Variants in C6orf89 observed in about 807,000 individuals in gnomAD.
C6orf89 encodes chromosome 6 open reading frame 89, also known as bombesin receptor-activated protein C6orf89.
Under a neutral mutation model 40.7 loss-of-function variants are expected in C6orf89, and 29 were observed. The observed-to-expected ratio is 0.71, with a 90% CI of 0.53 to 0.97. C6orf89 has a LOEUF of 0.97. Ranked by LOEUF, C6orf89 falls within the 50% of genes least tolerant of loss-of-function variation. C6orf89 has a pLI of 0.00. For missense variants in C6orf89, 392 were observed against 429.1 expected, an observed-to-expected ratio of 0.91 and a Z score of 0.76; for synonymous variants, 165 against 152.2, an observed-to-expected ratio of 1.08 and a Z score of -0.62.
rs144844111 is a variant in C6orf89, at chr6:36,899,597, C to G, written c.153C>G (p.Pro51=). The G allele has an allele frequency of 3.7e-5, 59 of 1,614,072 alleles. No individual in the cohort carries two copies. The highest frequency in any genetic ancestry group is 3.5e-4 in the African/African-American group (26 of 75,008). ...TGGAAAAGAATGAACCTCAGAGACC[C>G]CCCCCGCAGTATCCTCTCCTTATAG... The part of the protein sequence containing the change: ...QLLEKNEPQR[P]PPQYPLLIVV... Residue 51 remains proline (P), a synonymous_variant, in exon 3 of 9, where the codon CCC becomes CCG. Coordinates refer to ENST00000480824, the MANE Select transcript of C6orf89 (RefSeq NM_001286635.2).
intron 4 of C6orf89, 22 bp from the exon 5 acceptor site, chr6:36,914,262 T>A (rs774735590): frequency 1.2e-6 from 2 of 1,605,794 alleles, no homozygotes; most frequent in Non-Finnish European, 1.7e-6. Flanking sequence ...ATCTGTTTTC[T>A]CCATATCCCT....
chr6:36,911,726 C>T (rs571042853), intron 4 of C6orf89, among the ~76,000 whole-genome samples: 2 of 152,126 alleles, frequency 1.3e-5, no homozygotes, highest in South Asian at 2.1e-4. Flanking sequence ...CTGCAGATGA[C>T]GTTCCCTAGA....
chr6:36,881,677 AAAAACAAAAC>A (rs540974668), upstream of C6orf89, among the ~76,000 whole-genome samples: 1,729 of 152,340 alleles, frequency 0.011, 17 homozygotes, highest in Middle Eastern at 0.024. Flanking sequence ...TCCATCTCGA[AAAAACAAAAC>A]AAAACAAAAC....
chr6:36,922,362 AAG>A (rs1256137036), intron 8 of C6orf89, among the ~76,000 whole-genome samples: 1 of 152,132 alleles, frequency 6.6e-6, no homozygotes, highest in African/African-American at 2.4e-5. Flanking sequence ...GAAAGAAAAA[AAG>A]AATTTTTAAA....
intron 1 of C6orf89, among the ~76,000 whole-genome samples, chr6:36,876,480 T>C (rs576680106): frequency 7.1e-4 from 108 of 152,254 alleles, no homozygotes; most frequent in South Asian, 1.5e-3. Context: ...AATCTGGCAC[T>C]TTCGGAGGCC....
chr6:36,896,767 C>A (rs138004184), intron 2 of C6orf89, among the ~76,000 whole-genome samples: 1 of 152,000 alleles, frequency 6.6e-6, no homozygotes. Flanking sequence ...GTGTTTTCTT[C>A]GAAGTTTTAT....
intron 4 of C6orf89, among the ~76,000 whole-genome samples, chr6:36,913,325 C>A (rs555571163): frequency 6.6e-6 from 1 of 152,302 alleles, no homozygotes; most frequent in South Asian, 2.1e-4. Context: ...GCCCCACCCC[C>A]TCCTGAGCTG....
upstream of C6orf89, among the ~76,000 whole-genome samples, chr6:36,882,713 CTTTTTTTT>C: frequency 8.7e-6 from 1 of 115,446 alleles, no homozygotes; most frequent in Non-Finnish European, 1.9e-5. Flanking sequence ...TTGTCATTTT[CTTTTTTTT>C]TTTTTCTTTT....
intron 7 of C6orf89, 45 bp downstream of exon 7, chr6:36,916,619 G>T (rs774526409): frequency 2.0e-5 from 33 of 1,612,132 alleles, no homozygotes; most frequent in Non-Finnish European, 2.7e-5. Flanking sequence ...TTCTTTATTT[G>T]GGACCTGGAC....
At position 36,894,571 on chromosome 6, in the gene C6orf89, C is replaced by T. The variant is rs969608126; in HGVS notation, c.-52C>T. 18 of 985,208 alleles carry T rather than the reference C, an allele frequency of 1.8e-5. No individual in the cohort carries two copies. Among genetic ancestry groups the T allele is most frequent in the Middle Eastern group, 5.2e-4 (1 of 1,936 alleles). 61.0% of individuals were successfully genotyped at this position (985,208 alleles called of 1,614,324 possible). ...TTGTGATCAAGGGACACGTGGTTTC[C>T]GAACTGCCAGCTCAGAATAGGAAAA... On this transcript the variant is annotated 5_prime_UTR_variant, in exon 2 of 9. An upstream open reading frame in the 5' UTR gains an earlier in-frame stop. Coordinates refer to ENST00000480824, the MANE Select transcript of C6orf89 (RefSeq NM_001286635.2).
At chr6:36,881,677 A>AAAAAC (rs540974668), upstream of C6orf89, among the ~76,000 whole-genome samples, 12 of 152,354 alleles carry the variant, frequency 7.9e-5, no homozygotes, top group South Asian at 6.2e-4. Context: ...TCCATCTCGA[A>AAAAAC]AAAACAAAAC....
chr6:36,894,042 A>G (rs1447730663), intron 1 of C6orf89, among the ~76,000 whole-genome samples: 1 of 151,936 alleles, frequency 6.6e-6, no homozygotes, highest in Non-Finnish European at 1.5e-5. Context: ...AAAAAAAGGA[A>G]AAAAAGGAAA....
chr6:36,911,127 G>C (rs1008745868), intron 4 of C6orf89, among the ~76,000 whole-genome samples: 2 of 151,936 alleles, frequency 1.3e-5, no homozygotes, highest in African/African-American at 4.8e-5. Context: ...TCTTCTACCT[G>C]CTTTTTAAAG....
upstream of C6orf89, among the ~76,000 whole-genome samples, chr6:36,882,438 G>T (rs1378880256): frequency 6.6e-6 from 1 of 152,240 alleles, no homozygotes; most frequent in Admixed American, 6.5e-5. Context: ...GTATTCAAGA[G>T]GACGTAAGTC....
chr6:36,872,265 A>T (rs1427425006), intron 1 of C6orf89, among the ~76,000 whole-genome samples: 1 of 152,200 alleles, frequency 6.6e-6, no homozygotes, highest in Non-Finnish European at 1.5e-5. Flanking sequence ...ACATTAAAAT[A>T]TCAGGAGTTC....
intron 1 of C6orf89, chr6:36,874,734 G>A: frequency 6.2e-7 from 1 of 1,614,172 alleles, no homozygotes; most frequent in Middle Eastern, 1.7e-4. Context: ...CCAAGTAAAC[G>A]TTGGGTGGCT....
chr6:36,908,426 G>A (rs1166307352), intron 4 of C6orf89, among the ~76,000 whole-genome samples: 1 of 151,798 alleles, frequency 6.6e-6, no homozygotes, highest in East Asian at 1.9e-4. Flanking sequence ...TGCATACAAA[G>A]ACAGTAAGAG....
intron 8 of C6orf89, among the ~76,000 whole-genome samples, chr6:36,922,334 C>A (rs1365209343): frequency 6.6e-6 from 1 of 151,234 alleles, no homozygotes; most frequent in Non-Finnish European, 1.5e-5. Flanking sequence ...GAGTGAAACT[C>A]CGTCTCAAAA....
chr6:36,898,341 G>A lies in C6orf89; in HGVS notation c.-19-1085G>A, dbSNP rs186337178. Among the ~76,000 whole-genome samples the A allele has an allele frequency of 5.9e-3, 882 of 150,128 alleles. 2 individuals carry two copies. The highest frequency in any genetic ancestry group is 0.011 in the African/African-American group (461 of 40,542). Reference sequence around the variant, plus strand: ...GTTGCCCAGGCTGGAGTGCAATGGCGTGATCTCGGCTCACCACAACCTCTG... The same window carrying A: ...GTTGCCCAGGCTGGAGTGCAATGGCATGATCTCGGCTCACCACAACCTCTG... On this transcript the variant is annotated intron_variant, in intron 2 of 8. Coordinates refer to ENST00000480824, the MANE Select transcript of C6orf89 (RefSeq NM_001286635.2).
Sources: allele counts gnomAD v4.1 joint callset (sites outside exome capture counted in the v4.1 genomes callset), GRCh38; gene constraint gnomAD v4.1.1; transcripts MANE v1.5; gene names NCBI Gene and HGNC (gene_info 2026-07-23, HGNC 2026-07-21).